FER1L5: variants seen among roughly 807,000 people sequenced by gnomAD.
FER1L5 encodes fer-1 like family member 5.
FER1L5 carries 187 observed loss-of-function variants against 279.9 expected under a neutral mutation model. The ratio of observed to expected loss-of-function variants is 0.67; its 90% CI spans 0.59 to 0.75. The LOEUF is 0.75. Among genes scored for constraint, FER1L5 ranks in the 30% least tolerant of loss-of-function variants. The pLI is 0.00. For missense variants in FER1L5, 2,091 were observed against 2,594.4 expected (o/e 0.81, Z 4.21); for synonymous variants, 921 against 989.7 (o/e 0.93, Z 1.30).
chr2:96,659,397 C>CT (rs2075804959), intron 9 of FER1L5, among the ~76,000 whole-genome samples: 1 of 7,052 alleles, frequency 1.4e-4, no homozygotes, highest in Non-Finnish European at 2.2e-4. Context: ...TTCTTTCTTT[C>CT]TTTCTTTCTT....
At chr2:96,659,404 T>TCCTTCCTTCCTTCCTTCCTTCCTTCCTTC (rs2075809517) in intron 9 of FER1L5, among the ~76,000 whole-genome samples, 1 of 5,678 alleles carries the variant, frequency 1.8e-4, no homozygotes, top group South Asian at 8.5e-3. Context: ...TTTCTTTCTT[T>TCCTTCCTTCCTTCCTTCCTTCCTTCCTTC]CTTTCTTTCT....
rs1160963288 is a variant in FER1L5 at position 96,694,283 on chromosome 2, C to CT, written c.3637-76dup. The CT allele has an allele frequency of 8.5e-6, 12 of 1,410,304 alleles. No individual in the cohort carries two copies. The highest frequency in any genetic ancestry group is 1.4e-5 in the African/African-American group (1 of 69,284). 87.4% of individuals were successfully genotyped at this position (1,410,304 alleles called of 1,614,324 possible). A position where few individuals can be genotyped will look rare whatever the true frequency, so the allele number is the denominator to read the frequency against. On this transcript the variant is annotated intron_variant, in intron 33 of 52. Transcript: ENST00000624922. This position sits in a 1 kb window ranked among gnomAD's most constrained non-coding sequence, Gnocchi z 4.6. ...TGGGGCTCTGGGCTCGGTGAGGCCT[C>CT]TGAGGGACCTGCTTGAGGTGAGGGT...
intron 19 of FER1L5, among the ~76,000 whole-genome samples, chr2:96,683,063 A>C (rs1403665524): frequency 6.6e-6 from 1 of 152,212 alleles, no homozygotes; most frequent in Non-Finnish European, 1.5e-5. Context: ...CACTGGAGAC[A>C]GGCAAGCTTC....
intron 21 of FER1L5, 78 bp from the exon 22 acceptor site, chr2:96,685,862 G>T: frequency 6.9e-7 from 1 of 1,450,226 alleles, no homozygotes; most frequent in South Asian, 1.5e-5. Flanking sequence ...GGGGCACGCT[G>T]GCCTAAGGCA....
At position 96,702,082 on chromosome 2, in the gene FER1L5, G is replaced by A; in HGVS notation, c.5159+39G>A. ...CACTTCCCAACTGCTGCATTTCACA[G>A]TTCAGAACTCCCCCAGTGCAGGGCA... On this transcript the variant is annotated intron_variant, in intron 46 of 52. Coordinates refer to ENST00000624922, the MANE Select transcript of FER1L5 (RefSeq NM_001293083.2). This position sits in a 1 kb window ranked among gnomAD's most constrained non-coding sequence, Gnocchi z 4.0. 1.2e-6 allele frequency: 2 copies of A among 1,608,434 alleles called. No individual in the cohort carries two copies. The highest frequency in any genetic ancestry group is 1.7e-6 in the Non-Finnish European group (2 of 1,175,332).
chr2:96,661,248 G>A (rs2075943348), intron 10 of FER1L5, 77 bp from the exon 11 acceptor site: 2 of 1,068,128 alleles, frequency 1.9e-6, no homozygotes, highest in Admixed American at 5.9e-5. Context: ...TTCCCCTCCT[G>A]CTAAAACAAA....
At chr2:96,675,792 A>G (rs1191553625) in intron 19 of FER1L5, among the ~76,000 whole-genome samples, 2 of 151,890 alleles carry the variant, frequency 1.3e-5, no homozygotes, top group Admixed American at 6.6e-5. Context: ...CACTACGCCC[A>G]GCTAATTTTT....
rs757633045 is a variant in FER1L5 at position 96,698,157 on chromosome 2, G to T, written c.4356+1G>T. 1.7e-5 allele frequency: 27 copies of T among 1,557,926 alleles called. No homozygotes were observed. The highest frequency in any genetic ancestry group is 2.3e-5 in the Non-Finnish European group (26 of 1,150,812). ...CAGCCCCGTGGTAGGGGAGTTCAAG[G>T]TGTGTGTCCACCCCAGCTTAGCTGC... is the stretch of plus-strand genomic sequence containing the variant. On this transcript the variant is annotated splice_donor_variant, in intron 40 of 52. Coordinates refer to ENST00000624922, the MANE Select transcript of FER1L5 (RefSeq NM_001293083.2). LOFTEE classifies it high-confidence loss of function. The surrounding 1 kb of genome is among the most constrained non-coding windows in gnomAD (Gnocchi z 5.5).
At chr2:96,697,359 T>C (rs1310522662) in intron 37 of FER1L5, among the ~76,000 whole-genome samples, 167 bp from the exon 38 acceptor site, 1 of 152,146 alleles carries the variant, frequency 6.6e-6, no homozygotes, top group East Asian at 1.9e-4. Flanking sequence ...GTCCCCTCCT[T>C]CTTGCTCCCT....
chr2:96,647,601 G>A (rs1048869513), intron 3 of FER1L5, among the ~76,000 whole-genome samples, 177 bp from the exon 4 acceptor site: 4 of 152,164 alleles, frequency 2.6e-5, no homozygotes, highest in African/African-American at 9.7e-5. Context: ...AGTTCTCAGA[G>A]CCAGAAGCCC....
At position 96,693,967 on chromosome 2, in the gene FER1L5, C is replaced by T; in HGVS notation, c.3531C>T (p.Leu1177=). The change falls in exon 33 of 53, where the codon CTC becomes CTT. Residue 1177 remains leucine (L), a synonymous_variant. Transcript: ENST00000624922. ...GGCCCCCAATGGTCTGGCTGGATCTCCAGGACCGGATCCTGCCCCCCATGA... is the reference window on the plus strand; with the variant it reads ...GGCCCCCAATGGTCTGGCTGGATCTTCAGGACCGGATCCTGCCCCCCATGA... ...SVWPPMVWLD[L]QDRILPPMRW... 1.3e-6 allele frequency: 2 copies of T among 1,551,578 alleles called. No homozygotes were observed. Among genetic ancestry groups the T allele is most frequent in the Non-Finnish European group, 1.7e-6 (2 of 1,146,972 alleles).
intron 3 of FER1L5, 91 bp downstream of exon 3, chr2:96,647,246 A>G: frequency 7.4e-7 from 1 of 1,357,768 alleles, no homozygotes; most frequent in Non-Finnish European, 1.0e-6. Context: ...ACTCACTCAG[A>G]TGAAGGAATG....
rs1396078093 is a variant in FER1L5, at chr2:96,704,122, T to C, written c.5802-93T>C. The stretch of plus-strand genomic sequence containing the variant: ...TGAGACACTGTGCCTGGCCCAGTAG[T>C]TGCTTTTTTAAAAAAGAAAGCTCTT... On this transcript the variant is annotated intron_variant, in intron 51 of 52. Coordinates refer to ENST00000624922, the MANE Select transcript of FER1L5 (RefSeq NM_001293083.2). The C allele has an allele frequency of 3.4e-6, 5 of 1,474,934 alleles. No individual in the cohort carries two copies. The African/African-American group carries it at 7.0e-5, about 21-fold the overall frequency. 91.4% of individuals were successfully genotyped at this position (1,474,934 alleles called of 1,614,324 possible). A position where few individuals can be genotyped will look rare whatever the true frequency, so the allele number is the denominator to read the frequency against.
intron 10 of FER1L5, among the ~76,000 whole-genome samples, chr2:96,660,754 A>G (rs1166206668): frequency 6.6e-6 from 1 of 152,162 alleles, no homozygotes; most frequent in Non-Finnish European, 1.5e-5. Flanking sequence ...GGGTTTCACC[A>G]TGTTAGCCAG....
In FER1L5 at chr2:96,693,540, C is replaced by T; in HGVS notation, c.3327C>T (p.Ser1109=). Residue 1109 remains serine, a synonymous_variant, in exon 32 of 53, where the codon AGC becomes AGT. Coordinates refer to ENST00000624922, the MANE Select transcript of FER1L5 (RefSeq NM_001293083.2). ...TTCGGGTGGTCTTCCTGAACCACAG[C>T]CAGTGCACCCAAACCCTGAGGAGCT... ...PFIRVVFLNH[S]QCTQTLRSSA... 1 of 1,551,604 alleles carries T rather than the reference C, an allele frequency of 6.4e-7. No individual in the cohort carries two copies. Among genetic ancestry groups the T allele is most frequent in the Non-Finnish European group, 8.7e-7 (1 of 1,146,942 alleles).
At chr2:96,651,719 C>T (rs1573782154) in intron 6 of FER1L5, among the ~76,000 whole-genome samples, 173 bp from the exon 7 acceptor site, 2 of 152,144 alleles carry the variant, frequency 1.3e-5, no homozygotes, top group East Asian at 3.9e-4. Flanking sequence ...CCCAGTCAAT[C>T]TGGTCTCGAA....
chr2:96,647,954 A>G (rs1378702032), intron 4 of FER1L5, 68 bp downstream of exon 4: 7 of 1,266,608 alleles, frequency 5.5e-6, no homozygotes, highest in East Asian at 2.5e-5. Context: ...GAAGCGGCCC[A>G]CACCACAAGA....
At position 96,704,229 on chromosome 2, in the gene FER1L5, C is replaced by T. The variant is rs745350415; in HGVS notation, c.5816C>T (p.Ser1939Phe). The change falls in exon 52 of 53, where the codon TCT becomes TTT. Residue 1939 changes from serine (S) to phenylalanine (F), a missense_variant. Transcript: ENST00000624922. ...TLHPPLRTNTSFTWLRSPVQN... is the reference protein window; with the variant it reads ...TLHPPLRTNTFFTWLRSPVQN... Reference sequence around the variant, plus strand: ...CTCCTGGACAGACGCACCAACACCTCTTTCACGTGGCTGCGGTCACCAGTT... The same window carrying T: ...CTCCTGGACAGACGCACCAACACCTTTTTCACGTGGCTGCGGTCACCAGTT... 1.2e-6 allele frequency: 2 copies of T among 1,613,876 alleles called. No individual in the cohort carries two copies. Among genetic ancestry groups the T allele is most frequent in the South Asian group, 2.2e-5 (2 of 91,084 alleles).
rs2075397179 is a variant in FER1L5, at chr2:96,651,896, G to A, written c.509G>A (p.Arg170Gln). ...LSSKPQHFQVRVKVFEARQLM... is the reference protein window; with the variant it reads ...LSSKPQHFQVQVKVFEARQLM... ...CCCCATGTGTTCCGCCCTTAGGTTC[G>A]AGTGAAGGTGTTTGAAGCCCGACAG... Residue 170 changes from arginine to glutamine, a missense_variant, in exon 7 of 53, where the codon CGA becomes CAA. Coordinates refer to ENST00000624922, the MANE Select transcript of FER1L5 (RefSeq NM_001293083.2). 6.4e-7 allele frequency: 1 copy of A among 1,552,040 alleles called. No homozygotes were observed.
Sources: allele counts gnomAD v4.1 joint callset (sites outside exome capture counted in the v4.1 genomes callset), GRCh38; gene constraint gnomAD v4.1.1; non-coding constraint Gnocchi (gnomAD v3.1); transcripts MANE v1.5; gene names NCBI Gene and HGNC (gene_info 2026-07-23, HGNC 2026-07-21).